The following DNAJC13 variants were observed in gnomAD, a reference collection of about 807,000 sequenced individuals.
DNAJC13 encodes DnaJ heat shock protein family (Hsp40) member C13.
In DNAJC13, 75 loss-of-function variants were observed where a neutral mutation model predicts 290.5. The observed-to-expected ratio is 0.26, with a 90% CI of 0.21 to 0.31. DNAJC13 has a LOEUF of 0.31. DNAJC13 is among the 10% of genes least tolerant of loss of function. The pLI, the probability that DNAJC13 is intolerant of heterozygous loss-of-function variation, is 1.00. For missense variants in DNAJC13, 2,260 were observed against 2,674.5 expected (o/e 0.85, Z 3.42); for synonymous variants, 862 against 892.0 (o/e 0.97, Z 0.60).
intron 39 of DNAJC13, among the ~76,000 whole-genome samples, chr3:132,501,236 C>T (rs1935399903): frequency 6.6e-6 from 1 of 152,114 alleles, no homozygotes. Flanking sequence ...TGTGGTGGCT[C>T]ACGTCTGTAA....
At chr3:132,430,548 T>G (rs1939213519) in intron 1 of DNAJC13, among the ~76,000 whole-genome samples, 1 of 152,152 alleles carries the variant, frequency 6.6e-6, no homozygotes, top group Non-Finnish European at 1.5e-5. Flanking sequence ...TGTTTCTCAG[T>G]TTTCCCAAGA....
chr3:132,488,954 G>T (rs750538144), intron 30 of DNAJC13, 22 bp from the exon 31 acceptor site: 3 of 1,573,568 alleles, frequency 1.9e-6, no homozygotes, highest in South Asian at 2.2e-5. Flanking sequence ...ATATCTGATA[G>T]ATAATTCATT....
At chr3:132,438,895 G>T (rs960233856) in intron 2 of DNAJC13, among the ~76,000 whole-genome samples, 1 of 152,246 alleles carries the variant, frequency 6.6e-6, no homozygotes, top group Admixed American at 6.5e-5. Flanking sequence ...AGTAGATTCA[G>T]GGGGGAAAAG....
chr3:132,421,709 G>C (rs1044459065), intron 1 of DNAJC13, among the ~76,000 whole-genome samples: 16 of 151,968 alleles, frequency 1.1e-4, no homozygotes, highest in African/African-American at 3.6e-4. Flanking sequence ...CAAAGTGCTG[G>C]GATTACAGGT....
At chr3:132,537,120 A>T (rs1576530998) in intron 55 of DNAJC13, 2 of 456,012 alleles carry the variant, frequency 4.4e-6, no homozygotes, top group African/African-American at 4.0e-5. Context: ...ACTTCCTCAC[A>T]ACTTCCCTTG....
chr3:132,486,732 T>A (rs1934891362), intron 29 of DNAJC13, among the ~76,000 whole-genome samples: 1 of 152,200 alleles, frequency 6.6e-6, no homozygotes, highest in Non-Finnish European at 1.5e-5. Context: ...TCTTCATCGG[T>A]TGGAAAGGGA....
Position 132,488,400 on chromosome 3 carries a change from G to A in DNAJC13, c.3370G>A (p.Val1124Ile), listed in dbSNP as rs1934955445. The change falls in exon 30 of 56, where the codon GTA becomes ATA. Residue 1124 changes from valine to isoleucine, a missense_variant. By Grantham distance (29) the Val-to-Ile change is conservative (BLOSUM62 3). Coordinates refer to ENST00000260818, the MANE Select transcript of DNAJC13 (RefSeq NM_015268.4). ...PQLPRLYLSG[V>I]FFFIMMYTGS... is the part of the protein sequence containing the mutation. ...GTTACCCCGCCTTTATCTGAGTGGA[G>A]TATTTTTCTTTATCATGATGTACAC... 5 of 1,613,440 alleles carry A rather than the reference G, an allele frequency of 3.1e-6. No individual in the cohort carries two copies. Among genetic ancestry groups the A allele is most frequent in the South Asian group, 1.1e-5 (1 of 91,020 alleles).
At chr3:132,536,190 A>G (rs1340560204) in intron 55 of DNAJC13, among the ~76,000 whole-genome samples, 1 of 152,204 alleles carries the variant, frequency 6.6e-6, no homozygotes, top group Non-Finnish European at 1.5e-5. Context: ...TGGTCAGCAG[A>G]TGGCGCTGTG....
At chr3:132,494,467 G>A (rs975062779) in intron 34 of DNAJC13, among the ~76,000 whole-genome samples, 1 of 152,062 alleles carries the variant, frequency 6.6e-6, no homozygotes, top group Non-Finnish European at 1.5e-5. Context: ...CTTCTTGCTG[G>A]TACATTCATT....
intron 42 of DNAJC13, among the ~76,000 whole-genome samples, chr3:132,506,541 CTTTTTTTTTTTTTTT>C (rs34151394): frequency 5.5e-4 from 30 of 54,754 alleles, no homozygotes; most frequent in African/African-American, 3.1e-3. Context: ...CAGTGTATTA[CTTTTTTTTTTTTTTT>C]TTTTTTTTTT....
At chr3:132,477,046 G>A (rs972676935) in intron 22 of DNAJC13, among the ~76,000 whole-genome samples, 8 of 152,292 alleles carry the variant, frequency 5.3e-5, no homozygotes, top group African/African-American at 1.9e-4. Context: ...TGCGTCTCCA[G>A]TGCCTGGAAT....
rs142364166 is a variant in DNAJC13 at position 132,463,641 on chromosome 3, T to C, written c.1771-55T>C. 174 of 1,535,206 alleles carry C rather than the reference T, an allele frequency of 1.1e-4. No homozygotes were observed. The African/African-American group carries it at 2.3e-3, about 20-fold the overall frequency. On this transcript the variant is annotated intron_variant, in intron 16 of 55. Coordinates refer to ENST00000260818, the MANE Select transcript of DNAJC13 (RefSeq NM_015268.4). ...TATGTAAAATTAGTTTTTTAAAGTT[T>C]GGATAGCTTGTCCTGGATTGCCACC...
Position 132,453,469 on chromosome 3 carries a change from G to C in DNAJC13, c.709G>C (p.Glu237Gln). The C allele has an allele frequency of 6.2e-7, 1 of 1,613,910 alleles. No homozygotes were observed. The highest frequency in any genetic ancestry group is 8.5e-7 in the Non-Finnish European group (1 of 1,179,898). ...TGATGAATCCATCACATCTTTAGCA[G>C]AGTTTGTAGTCCAAAAAATATCACC... is the stretch of plus-strand genomic sequence containing the variant. ...STDESITSLA[E>Q]FVVQKISPRH... Residue 237 changes from glutamate to glutamine, a missense_variant, in exon 7 of 56, where the codon GAG becomes CAG. By Grantham distance (29) the Glu-to-Gln change is conservative. Coordinates refer to ENST00000260818, the MANE Select transcript of DNAJC13 (RefSeq NM_015268.4).
At chr3:132,485,797 A>G (rs948005266) in intron 29 of DNAJC13, among the ~76,000 whole-genome samples, 1 of 152,242 alleles carries the variant, frequency 6.6e-6, no homozygotes, top group Non-Finnish European at 1.5e-5. Context: ...ACACCAAAAT[A>G]TCTTTTTCTT....
chr3:132,433,642 G>A (rs908603701), intron 1 of DNAJC13, among the ~76,000 whole-genome samples: 4 of 152,168 alleles, frequency 2.6e-5, no homozygotes, highest in Non-Finnish European at 4.4e-5. Context: ...CAGCAAAATG[G>A]CCAGCACTTA....
chr3:132,489,357 C>T (rs1465327639), intron 31 of DNAJC13, among the ~76,000 whole-genome samples: 3 of 151,958 alleles, frequency 2.0e-5, no homozygotes, highest in Non-Finnish European at 2.9e-5. Context: ...AGTCTTACAT[C>T]GTCAGCTAAG....
At chr3:132,463,895 G>A (rs1431286455) in intron 17 of DNAJC13, 78 bp downstream of exon 17, 4 of 1,457,116 alleles carry the variant, frequency 2.7e-6, no homozygotes, top group South Asian at 2.6e-5. Context: ...AAAACTAAAT[G>A]TGTTTGTATT....
At chr3:132,474,713 T>G (rs1169942427) in intron 21 of DNAJC13, among the ~76,000 whole-genome samples, 1 of 151,852 alleles carries the variant, frequency 6.6e-6, no homozygotes, top group Non-Finnish European at 1.5e-5. Context: ...AATTTTGCAG[T>G]GAATATCTGT....
At position 132,495,943 on chromosome 3, in the gene DNAJC13, C is replaced by T. The variant is rs375198836; in HGVS notation, c.4021-585C>T. Among the ~76,000 whole-genome samples the T allele has an allele frequency of 4.6e-5, 7 of 152,148 alleles. No homozygotes were observed. In the East Asian group the frequency reaches 7.7e-4, roughly 17 times the overall value. ...TTGCTAGACTTATCAGATATTAAAACACTTCATAAAGCTACAATAGTAAAA... is the reference window on the plus strand; with the variant it reads ...TTGCTAGACTTATCAGATATTAAAATACTTCATAAAGCTACAATAGTAAAA... On this transcript the variant is annotated intron_variant, in intron 35 of 55. Transcript: ENST00000260818.
Sources: gnomAD v4.1 joint callset for allele counts (sites outside exome capture counted in the v4.1 genomes callset) on GRCh38, gnomAD v4.1.1 for gene constraint, MANE v1.5 for transcripts, NCBI Gene and HGNC (gene_info 2026-07-23, HGNC 2026-07-21) for gene names.